CYTH3: variants seen among roughly 807,000 people sequenced by gnomAD.
CYTH3 encodes cytohesin 3, also known as cytohesin-3.
CYTH3 carries 23 observed loss-of-function variants against 55.1 expected under a neutral mutation model. That is an observed-to-expected ratio of 0.42 (90% confidence interval 0.30 to 0.59). The LOEUF is 0.59. CYTH3 is among the 20% of genes least tolerant of loss of function. CYTH3 has a pLI of 0.20. For synonymous variants in CYTH3, 249 were observed against 194.9 expected (o/e 1.28, Z -2.31); for missense variants, 413 against 524.8 (o/e 0.79, Z 2.08).
chr7:6,170,288 AGTTTTCTGGGACGGGCCGTGCAGCCTGG>A lies in CYTH3; in HGVS notation c.823+219_823+246del. 2.0e-6 allele frequency: 1 copy of A among 511,586 alleles called. No individual in the cohort carries two copies. Among genetic ancestry groups the A allele is most frequent in the South Asian group, 2.8e-5 (1 of 36,266 alleles). 31.7% of individuals were successfully genotyped at this position (511,586 alleles called of 1,614,324 possible). A position where few individuals can be genotyped will look rare whatever the true frequency, so the allele number is the denominator to read the frequency against. On this transcript the variant is annotated intron_variant, in intron 9 of 12. Transcript: ENST00000350796. The surrounding 1 kb of genome is among the most constrained non-coding windows in gnomAD (Gnocchi z 7.8). ...GGCTGGATCTGGATGCTAACTCAGC[AGTTTTCTGGGACGGGCCGTGCAGCCTGG>A]GCGCTACTCTCTGCCGCGGGCATGG...
At position 6,170,971 on chromosome 7, in the gene CYTH3, G is replaced by C; in HGVS notation, c.570C>G (p.Cys190Trp). The change falls in exon 8 of 13, where the codon TGC becomes TGG. Residue 190 changes from cysteine to tryptophan, a missense_variant. This residue lies in a region of CYTH3 where 156 missense variants were observed against 233.1 expected (regional missense o/e 0.67). Transcript: ENST00000350796. This position sits in a 1 kb window ranked among gnomAD's most constrained non-coding sequence, Gnocchi z 7.8. ...NPGVFQSTDT[C>W]YVLSFAIIML... is the part of the protein sequence containing the mutation. ...TGATGATGGCGAATGACAGCACGTA[G>C]CACGTGTCTGCAACGAGTCCGGGGT... is the stretch of plus-strand genomic sequence containing the variant. The C allele has an allele frequency of 1.2e-6, 2 of 1,613,860 alleles. No homozygotes were observed. The highest frequency in any genetic ancestry group is 1.7e-6 in the Non-Finnish European group (2 of 1,179,928).
intron 1 of CYTH3, among the ~76,000 whole-genome samples, chr7:6,193,303 C>A (rs964820699): frequency 9.3e-5 from 14 of 151,210 alleles, no homozygotes; most frequent in Non-Finnish European, 1.6e-4. Context: ...CAACAAGAGA[C>A]CTCCATTAGG....
At chr7:6,189,727 C>A (rs1475648467) in intron 2 of CYTH3, among the ~76,000 whole-genome samples, 1 of 151,996 alleles carries the variant, frequency 6.6e-6, no homozygotes, top group East Asian at 1.9e-4. Flanking sequence ...AGGCAATGTT[C>A]TAGGTGCTAG....
intron 1 of CYTH3, among the ~76,000 whole-genome samples, chr7:6,244,742 T>C (rs1318718284): frequency 6.6e-6 from 1 of 152,138 alleles, no homozygotes; most frequent in East Asian, 1.9e-4. Context: ...GTTTCTTAAA[T>C]GTTTTCAGTC....
At chr7:6,255,283 A>ATACAGAAGTATGCT (rs1463517325) in intron 1 of CYTH3, among the ~76,000 whole-genome samples, 1 of 152,250 alleles carries the variant, frequency 6.6e-6, no homozygotes, top group East Asian at 1.9e-4. Flanking sequence ...TTATGTAAGC[A>ATACAGAAGTATGCT]TACAGAAAGT....
chr7:6,174,468 T>C (rs1269942533), intron 5 of CYTH3, among the ~76,000 whole-genome samples: 1 of 152,076 alleles, frequency 6.6e-6, no homozygotes, highest in East Asian at 1.9e-4. Flanking sequence ...CCCTGCAGCC[T>C]TGCTGGCATT....
chr7:6,245,590 G>T (rs1030949614), intron 1 of CYTH3, among the ~76,000 whole-genome samples: 1 of 152,182 alleles, frequency 6.6e-6, no homozygotes, highest in Non-Finnish European at 1.5e-5. Flanking sequence ...CCTTCACAAA[G>T]GTTTGTCCAG....
At chr7:6,214,944 G>GA (rs1179829618) in intron 1 of CYTH3, among the ~76,000 whole-genome samples, 3 of 151,194 alleles carry the variant, frequency 2.0e-5, no homozygotes, top group Admixed American at 6.6e-5. Flanking sequence ...TGATTGGCTT[G>GA]AAAAAAAAGA....
At chr7:6,201,958 A>C (rs1784067294) in intron 1 of CYTH3, among the ~76,000 whole-genome samples, 1 of 152,196 alleles carries the variant, frequency 6.6e-6, no homozygotes, top group East Asian at 1.9e-4. Flanking sequence ...CAAAATGCAA[A>C]ATATTGGGTG....
At chr7:6,259,485 G>A (rs1373149942) in intron 1 of CYTH3, among the ~76,000 whole-genome samples, 1 of 151,530 alleles carries the variant, frequency 6.6e-6, no homozygotes, top group African/African-American at 2.4e-5. Context: ...TGACTCAGGC[G>A]AGTCTCTTCC....
chr7:6,176,761 C>G (rs1223240034), intron 5 of CYTH3, among the ~76,000 whole-genome samples: 1 of 152,182 alleles, frequency 6.6e-6, no homozygotes, highest in South Asian at 2.1e-4. Context: ...CCGGGCTGAA[C>G]AGCAGTACTA....
intron 1 of CYTH3, among the ~76,000 whole-genome samples, chr7:6,222,842 G>C (rs1323598935): frequency 6.6e-6 from 1 of 151,620 alleles, no homozygotes; most frequent in African/African-American, 2.4e-5. Flanking sequence ...ACATTTTCAG[G>C]TGACGGTTAA....
chr7:6,236,884 T>C (rs955782415), intron 1 of CYTH3, among the ~76,000 whole-genome samples: 2 of 152,178 alleles, frequency 1.3e-5, no homozygotes, highest in African/African-American at 4.8e-5. Flanking sequence ...TTTCTGACAG[T>C]GTACCTGTTA....
intron 1 of CYTH3, among the ~76,000 whole-genome samples, chr7:6,210,521 T>C (rs1441906076): frequency 2.0e-5 from 3 of 152,242 alleles, no homozygotes; most frequent in African/African-American, 7.2e-5. Context: ...TTGAAGTTTT[T>C]TCAAAATCTT....
chr7:6,213,948 T>G (rs1385424487), intron 1 of CYTH3, among the ~76,000 whole-genome samples: 2 of 152,140 alleles, frequency 1.3e-5, no homozygotes, highest in African/African-American at 4.8e-5. Context: ...CTCAGCATCC[T>G]TTTAGGAAGG....
intron 1 of CYTH3, among the ~76,000 whole-genome samples, chr7:6,232,471 C>T (rs542535985): frequency 6.6e-6 from 1 of 152,332 alleles, no homozygotes; most frequent in South Asian, 2.1e-4. Context: ...TGATGGACCA[C>T]TTGCCATCAC....
At chr7:6,215,696 T>C (rs6463531) in intron 1 of CYTH3, among the ~76,000 whole-genome samples, 53,463 of 151,906 alleles carry the variant, frequency 0.35, 15,640 homozygotes, top group East Asian at 0.76. Context: ...CATAAGCCTA[T>C]GAATTCAAGA....
At chr7:6,176,248 C>T (rs865976381) in intron 5 of CYTH3, among the ~76,000 whole-genome samples, 1 of 138,688 alleles carries the variant, frequency 7.2e-6, no homozygotes, top group Non-Finnish European at 1.5e-5. Context: ...TATAGAAATA[C>T]AATTGATTTT....
At chr7:6,220,580 A>G (rs1784528783) in intron 1 of CYTH3, among the ~76,000 whole-genome samples, 1 of 151,692 alleles carries the variant, frequency 6.6e-6, no homozygotes, top group Admixed American at 6.6e-5. Flanking sequence ...GTCTCAAAAA[A>G]AAAAAAAAAA....
Sources: gnomAD v4.1 joint callset for allele counts (sites outside exome capture counted in the v4.1 genomes callset) on GRCh38, gnomAD v4.1.1 for gene constraint, gnomAD v4.1.1 regional missense constraint, Gnocchi (gnomAD v3.1) non-coding constraint, MANE v1.5 for transcripts, NCBI Gene and HGNC (gene_info 2026-07-23, HGNC 2026-07-21) for gene names.